The following ERI3 variants were observed in gnomAD, a reference collection of about 807,000 sequenced individuals.
ERI3 encodes the protein ERI1 exoribonuclease 3.
A neutral mutation model predicts 44.4 loss-of-function variants in ERI3; 18 were observed. That is an observed-to-expected ratio of 0.41 (90% CI 0.28 to 0.60). ERI3 has a LOEUF of 0.60. ERI3 is among the 20% of genes least tolerant of loss of function. The probability of loss-of-function intolerance (pLI) is 0.36; values close to 1 mark genes in which losing one functional copy is unlikely to be tolerated. For synonymous variants in ERI3, 183 were observed against 164.8 expected, an observed-to-expected ratio of 1.11 and a Z score of -0.84; for missense variants, 294 against 435.5, an observed-to-expected ratio of 0.68 and a Z score of 2.89.
intron 5 of ERI3, 119 bp downstream of exon 5, chr1:44,313,050 T>C: frequency 1.2e-6 from 1 of 854,370 alleles, no homozygotes. Flanking sequence ...TGACAGCAAA[T>C]GTTATTCTAA....
chr1:44,245,894 A>G (rs985564659), intron 8 of ERI3, among the ~76,000 whole-genome samples: 1 of 152,276 alleles, frequency 6.6e-6, no homozygotes, highest in South Asian at 2.1e-4. Flanking sequence ...AAGTCTTCTC[A>G]CTGGTCCTCT....
At chr1:44,281,773 A>G (rs772070993) in intron 7 of ERI3, among the ~76,000 whole-genome samples, 7 of 151,920 alleles carry the variant, frequency 4.6e-5, no homozygotes, top group Admixed American at 2.6e-4. Context: ...GAATATGTGC[A>G]TATACATGAA....
intron 7 of ERI3, among the ~76,000 whole-genome samples, chr1:44,264,167 A>C (rs1307062367): frequency 1.3e-5 from 2 of 152,240 alleles, no homozygotes; most frequent in African/African-American, 4.8e-5. Flanking sequence ...CAGCAGAGCT[A>C]ATAAATCTTG....
At chr1:44,352,214 C>T (rs143965834) in intron 2 of ERI3, among the ~76,000 whole-genome samples, 2 of 152,282 alleles carry the variant, frequency 1.3e-5, no homozygotes, top group African/African-American at 4.8e-5. Flanking sequence ...CAGGTTGGAA[C>T]TAACCACCCA....
chr1:44,318,536 A>AG (rs1488175690), intron 4 of ERI3, among the ~76,000 whole-genome samples: 1 of 152,350 alleles, frequency 6.6e-6, no homozygotes, highest in Non-Finnish European at 1.5e-5. Flanking sequence ...TTAAGAGGCT[A>AG]GGCGCCTTGG....
intron 2 of ERI3, among the ~76,000 whole-genome samples, chr1:44,347,180 T>C (rs1646801961): frequency 6.6e-6 from 1 of 152,238 alleles, no homozygotes. Flanking sequence ...ACTGCAGTTT[T>C]TCTTTTGAGG....
chr1:44,240,329 A>G (rs1387176244), intron 8 of ERI3, among the ~76,000 whole-genome samples: 2 of 151,440 alleles, frequency 1.3e-5, no homozygotes, highest in Non-Finnish European at 2.9e-5. Context: ...GGTTTAGCCT[A>G]GTAGGAGGTT....
chr1:44,232,459 A>G (rs1045710647), intron 8 of ERI3, among the ~76,000 whole-genome samples: 8 of 152,254 alleles, frequency 5.3e-5, no homozygotes, highest in Admixed American at 4.6e-4. Context: ...TTACTAAGAA[A>G]GGCATTCTAT....
At chr1:44,281,803 AT>A (rs1645293057) in intron 7 of ERI3, among the ~76,000 whole-genome samples, 1 of 151,750 alleles carries the variant, frequency 6.6e-6, no homozygotes, top group Non-Finnish European at 1.5e-5. Flanking sequence ...GGATACAGAC[AT>A]GCAATTTGGA....
chr1:44,347,770 T>C (rs886960079), intron 2 of ERI3, among the ~76,000 whole-genome samples: 2 of 61,528 alleles, frequency 3.3e-5, no homozygotes, highest in Middle Eastern at 9.1e-3. Flanking sequence ...AATGTGTGCA[T>C]GTGTTAAAAA....
intron 3 of ERI3, among the ~76,000 whole-genome samples, chr1:44,327,586 G>C (rs566748344): frequency 3.3e-5 from 5 of 152,284 alleles, no homozygotes; most frequent in South Asian, 2.1e-4. Flanking sequence ...CTTGCCCAAG[G>C]TCAGACTACC....
At chr1:44,224,943 A>T (rs948371524) in intron 8 of ERI3, among the ~76,000 whole-genome samples, 12 of 152,066 alleles carry the variant, frequency 7.9e-5, no homozygotes, top group Non-Finnish European at 1.8e-4. Context: ...ATATATATAT[A>T]TTTTGTTTTT....
chr1:44,294,602 T>C (rs1310056476), intron 6 of ERI3, among the ~76,000 whole-genome samples: 2 of 152,200 alleles, frequency 1.3e-5, no homozygotes, highest in Non-Finnish European at 2.9e-5. Context: ...CTGTCATGAC[T>C]GTAGAAGTGC....
At chr1:44,278,748 C>T (rs1369634891) in intron 7 of ERI3, among the ~76,000 whole-genome samples, 2 of 152,028 alleles carry the variant, frequency 1.3e-5, no homozygotes, top group South Asian at 2.1e-4. Flanking sequence ...TACAGGCGCC[C>T]GCCACCACAT....
chr1:44,349,925 C>T lies in ERI3; in HGVS notation c.211+2925G>A, dbSNP rs115646424. Among the ~76,000 whole-genome samples, 1,354 of 152,254 alleles carry T rather than the reference C, an allele frequency of 8.9e-3. 23 individuals are homozygous for T. The highest frequency in any genetic ancestry group is 0.03 in the African/African-American group (1,257 of 41,534). On this transcript the variant is annotated intron_variant, in intron 2 of 8. Coordinates refer to ENST00000372257, the MANE Select transcript of ERI3 (RefSeq NM_024066.3). Reference sequence around the variant, plus strand: ...AGAAAGGGAAAGTGCAGACATGGGACCCTCAGCTCTAACCTATTCATCAGA... The same window carrying T: ...AGAAAGGGAAAGTGCAGACATGGGATCCTCAGCTCTAACCTATTCATCAGA...
chr1:44,252,892 A>G lies in ERI3; in HGVS notation c.832-4854T>C, dbSNP rs1644711121. On this transcript the variant is annotated intron_variant, in intron 7 of 8. Coordinates refer to ENST00000372257, the MANE Select transcript of ERI3 (RefSeq NM_024066.3). The surrounding 1 kb of genome is among the most constrained non-coding windows in gnomAD (Gnocchi z 4.7). ...CTGCTCTGCAACTTTCAGAAAAACC[A>G]GAGTTTTGAAGCCTGTGCTAGCACA... Among the ~76,000 whole-genome samples, 1 of 152,202 alleles carries G rather than the reference A, an allele frequency of 6.6e-6. No individual in the cohort carries two copies. The highest frequency in any genetic ancestry group is 2.1e-4 in the South Asian group (1 of 4,832).
chr1:44,319,501 G>A, intron 4 of ERI3, 127 bp downstream of exon 4: 1 of 650,192 alleles, frequency 1.5e-6, no homozygotes, highest in Admixed American at 2.5e-5. Flanking sequence ...CTAACTGCTA[G>A]GTCTAGTGTG....
intron 7 of ERI3, among the ~76,000 whole-genome samples, chr1:44,271,832 C>T (rs1432826690): frequency 2.6e-5 from 4 of 152,310 alleles, no homozygotes; most frequent in Admixed American, 2.6e-4. Context: ...CATTGGACAG[C>T]CAGGCATGCT....
intron 6 of ERI3, among the ~76,000 whole-genome samples, chr1:44,292,977 C>T (rs1229867512): frequency 2.0e-5 from 3 of 152,188 alleles, no homozygotes; most frequent in Non-Finnish European, 2.9e-5. Flanking sequence ...AGCAGGAGCA[C>T]GAGAGCAAGG....
Sources: gnomAD v4.1 joint callset for allele counts (sites outside exome capture counted in the v4.1 genomes callset) on GRCh38, gnomAD v4.1.1 for gene constraint, Gnocchi (gnomAD v3.1) non-coding constraint, MANE v1.5 for transcripts, NCBI Gene and HGNC (gene_info 2026-07-23, HGNC 2026-07-21) for gene names.